HERC4: variants seen among roughly 807,000 people sequenced by gnomAD.
HERC4 encodes the protein probable E3 ubiquitin-protein ligase HERC4.
HERC4 carries 28 observed loss-of-function variants against 124.3 expected under a neutral mutation model. That is an observed-to-expected ratio of 0.23 (90% confidence interval 0.17 to 0.31). HERC4 has a LOEUF of 0.31. Among genes scored for constraint, HERC4 ranks in the 10% least tolerant of loss-of-function variants. HERC4 has a pLI of 1.00. For missense variants in HERC4, 713 were observed against 1,229.3 expected, an observed-to-expected ratio of 0.58 and a Z score of 6.28; for synonymous variants, 407 against 421.5, an observed-to-expected ratio of 0.97 and a Z score of 0.42.
intron 3 of HERC4, among the ~76,000 whole-genome samples, chr10:68,064,766 T>A (rs1475790900): frequency 1.3e-5 from 2 of 150,488 alleles, no homozygotes; most frequent in Non-Finnish European, 1.5e-5. Context: ...AGGTCAGGAG[T>A]TTGAGACCAC....
chr10:68,049,394 T>G (rs1034624460), intron 3 of HERC4, among the ~76,000 whole-genome samples: 2 of 151,936 alleles, frequency 1.3e-5, no homozygotes, highest in Non-Finnish European at 2.9e-5. Context: ...TCGGGCACAG[T>G]GGCTCACATC....
At chr10:68,059,506 TA>T (rs2040747588) in intron 3 of HERC4, among the ~76,000 whole-genome samples, 4 of 116,606 alleles carry the variant, frequency 3.4e-5, no homozygotes, top group African/African-American at 1.2e-4. Context: ...TTATATATTA[TA>T]ATATTATATA....
At position 67,932,040 on chromosome 10, in the gene HERC4, C is replaced by T. The variant is rs56682038; in HGVS notation, c.2838+557G>A. ...TGGCACAATCTCAGCTCACTGCAAC[C>T]TCCGCCTCCCAGGTTCAAGAGACTC... On this transcript the variant is annotated intron_variant, in intron 23 of 24. Transcript: ENST00000373700. Among the ~76,000 whole-genome samples, 3,237 of 152,254 alleles carry T rather than the reference C, an allele frequency of 0.021. 311 individuals carry two copies. In the East Asian group the frequency reaches 0.31, roughly 15 times the overall value.
At chr10:67,928,344 G>T (rs930855593) in intron 23 of HERC4, among the ~76,000 whole-genome samples, 4 of 152,092 alleles carry the variant, frequency 2.6e-5, no homozygotes, top group Non-Finnish European at 5.9e-5. Flanking sequence ...TTCTTCTTTT[G>T]AGAAGATCAA....
Position 68,015,089 on chromosome 10 carries a change from A to C in HERC4, c.909-903T>G, listed in dbSNP as rs1391171029. On this transcript the variant is annotated intron_variant, in intron 8 of 24. Transcript: ENST00000373700. Reference sequence around the variant, plus strand: ...ATCTCTTTCTCCATGTCTTAAATCCAAGTCCTAATCTATAGCTTGCTTTGG... The same window carrying C: ...ATCTCTTTCTCCATGTCTTAAATCCCAGTCCTAATCTATAGCTTGCTTTGG... Among the ~76,000 whole-genome samples the C allele has an allele frequency of 2.0e-5, 3 of 152,194 alleles. No individual in the cohort carries two copies. The East Asian group carries it at 5.8e-4, about 29-fold the overall frequency.
At chr10:67,959,032 C>A in intron 16 of HERC4, 1 of 1,197,850 alleles carries the variant, frequency 8.3e-7, no homozygotes, top group African/African-American at 1.6e-5. Context: ...ACCAAAAAAA[C>A]GAATCTTTGG....
chr10:68,055,063 C>T (rs769370356), intron 3 of HERC4, among the ~76,000 whole-genome samples: 1 of 152,128 alleles, frequency 6.6e-6, no homozygotes, highest in Non-Finnish European at 1.5e-5. Flanking sequence ...GCTGGGATTA[C>T]ACAAGTGTGC....
intron 15 of HERC4, among the ~76,000 whole-genome samples, chr10:67,985,064 TA>T (rs2036183994): frequency 3.3e-5 from 5 of 152,188 alleles, no homozygotes; most frequent in Admixed American, 3.3e-4. Context: ...AGAATAAAAA[TA>T]ATATATTCGC....
chr10:68,067,401 T>C (rs781430914), intron 3 of HERC4, among the ~76,000 whole-genome samples: 5 of 152,194 alleles, frequency 3.3e-5, no homozygotes, highest in Non-Finnish European at 7.3e-5. Flanking sequence ...CATCCACATC[T>C]TTCTCTTCCT....
chr10:68,030,732 T>C (rs2039161191), intron 7 of HERC4, among the ~76,000 whole-genome samples: 1 of 152,212 alleles, frequency 6.6e-6, no homozygotes, highest in South Asian at 2.1e-4. Flanking sequence ...ATCTTTGGGG[T>C]AGATTCCTAA....
chr10:67,923,688 A>G (rs10823116), intron 24 of HERC4, among the ~76,000 whole-genome samples: 12,838 of 152,022 alleles, frequency 0.084, 1,006 homozygotes, highest in East Asian at 0.4. Flanking sequence ...CTTCTGGAGT[A>G]GCTGGGAGCA....
intron 21 of HERC4, among the ~76,000 whole-genome samples, chr10:67,938,020 C>T (rs935512831): frequency 3.3e-5 from 5 of 151,846 alleles, no homozygotes; most frequent in African/African-American, 1.2e-4. Context: ...AAATTATGAA[C>T]ATGCAATTTT....
chr10:67,951,593 A>T (rs551623850), intron 19 of HERC4, among the ~76,000 whole-genome samples: 5 of 152,180 alleles, frequency 3.3e-5, no homozygotes, highest in Admixed American at 6.5e-5. Context: ...TAAGGAAACA[A>T]GACTGTCTCC....
intron 3 of HERC4, chr10:68,070,057 A>G: frequency 1.0e-5 from 10 of 981,092 alleles, no homozygotes; most frequent in Non-Finnish European, 1.2e-5. Flanking sequence ...AAACGAAACA[A>G]AACAAAACAA....
chr10:67,946,348 A>AACACACACACACACAC (rs58692888), intron 19 of HERC4, among the ~76,000 whole-genome samples: 5 of 128,520 alleles, frequency 3.9e-5, no homozygotes, highest in East Asian at 2.4e-4. Context: ...ATAAAACACA[A>AACACACACACACACAC]ACACACACAC....
In HERC4 at chr10:68,014,066, T is replaced by G; in HGVS notation, c.1029A>C (p.Gly343=). 6.2e-7 allele frequency: 1 copy of G among 1,613,338 alleles called. No individual in the cohort carries two copies. The highest frequency in any genetic ancestry group is 1.7e-5 in the Admixed American group (1 of 59,838). Reference sequence around the variant, plus strand: ...ACTGCCCATTATAGGGGTACCAATTTCCTTTTACAGTAAAGGGGCTTTTCC... The same window carrying G: ...ACTGCCCATTATAGGGGTACCAATTGCCTTTTACAGTAAAGGGGCTTTTCC... ...SNRKSPFTVK[G]NWYPYNGQCL... Residue 343 remains glycine (G), a synonymous_variant, in exon 9 of 25, where the codon GGA becomes GGC. Coordinates refer to ENST00000373700, the MANE Select transcript of HERC4 (RefSeq NM_015601.4).
chr10:67,936,873 T>C (rs2032409684), intron 21 of HERC4, among the ~76,000 whole-genome samples: 1 of 152,192 alleles, frequency 6.6e-6, no homozygotes, highest in African/African-American at 2.4e-5. Flanking sequence ...AGTGGGATGT[T>C]AGATGAGTAT....
At chr10:68,059,167 AT>A (rs547066261) in intron 3 of HERC4, among the ~76,000 whole-genome samples, 2 of 151,756 alleles carry the variant, frequency 1.3e-5, no homozygotes, top group Non-Finnish European at 2.9e-5. Context: ...TGTTTTTAGA[AT>A]TTTCCTAGCT....
At chr10:68,010,679 C>T (rs975384925) in intron 9 of HERC4, 81 of 1,475,666 alleles carry the variant, frequency 5.5e-5, no homozygotes, top group Middle Eastern at 1.9e-4. Flanking sequence ...GCAAGGGCCG[C>T]GCCGCTTACA....
Sources: allele counts gnomAD v4.1 joint callset (sites outside exome capture counted in the v4.1 genomes callset), GRCh38; gene constraint gnomAD v4.1.1; transcripts MANE v1.5; gene names NCBI Gene and HGNC (gene_info 2026-07-23, HGNC 2026-07-21).